CALN1: variants seen among roughly 807,000 people sequenced by gnomAD.
CALN1 encodes the protein calcium-binding protein 8.
In CALN1, 17 loss-of-function variants were observed where a neutral mutation model predicts 30.6. The ratio of observed to expected loss-of-function variants is 0.56; its 90% confidence interval spans 0.38 to 0.83. CALN1 has a LOEUF of 0.83. CALN1 is among the 40% of genes least tolerant of loss of function. The probability of loss-of-function intolerance (pLI) is 0.00; values close to 1 mark genes in which losing one functional copy is unlikely to be tolerated. For synonymous variants in CALN1, 156 were observed against 131.4 expected (o/e 1.19, Z -1.28); for missense variants, 291 against 354.9 (o/e 0.82, Z 1.45).
Position 72,211,700 on chromosome 7 carries a change from T to C in CALN1, c.244+66986A>G, listed in dbSNP as rs75356443. Among the ~76,000 whole-genome samples, 536 of 152,312 alleles carry C rather than the reference T, an allele frequency of 3.5e-3. 26 individuals carry two copies. In the East Asian group the frequency reaches 0.088, roughly 25 times the overall value. Reference sequence around the variant, plus strand: ...TGCATGTGCTTGTTCCTATTGACGGTCCCTGCTGCTAAAATAGGAGTCCTT... The same window carrying C: ...TGCATGTGCTTGTTCCTATTGACGGCCCCTGCTGCTAAAATAGGAGTCCTT... On this transcript the variant is annotated intron_variant, in intron 3 of 6. Coordinates refer to ENST00000395275, the MANE Select transcript of CALN1 (RefSeq NM_031468.4).
At chr7:72,109,417 A>C (rs1025796171) in intron 3 of CALN1, among the ~76,000 whole-genome samples, 14 of 152,102 alleles carry the variant, frequency 9.2e-5, no homozygotes, top group African/African-American at 3.1e-4. Flanking sequence ...TGAAGTGTTT[A>C]AGTGAAGAAC....
intron 2 of CALN1, among the ~76,000 whole-genome samples, chr7:72,387,711 T>G (rs1805321738): frequency 6.6e-6 from 1 of 151,890 alleles, no homozygotes; most frequent in South Asian, 2.1e-4. Context: ...TCATCGAAAA[T>G]AAGAAAAGTC....
intron 4 of CALN1, among the ~76,000 whole-genome samples, chr7:72,045,441 C>T (rs1802404431): frequency 6.6e-6 from 1 of 152,168 alleles, no homozygotes; most frequent in African/African-American, 2.4e-5. Context: ...ACAACCCCAG[C>T]ATATTACATG....
At chr7:71,954,465 CTTAAAA>C (rs1191107698) in intron 5 of CALN1, among the ~76,000 whole-genome samples, 2 of 151,334 alleles carry the variant, frequency 1.3e-5, no homozygotes, top group African/African-American at 4.9e-5. Context: ...ATCTCGAAAA[CTTAAAA>C]TTAAAAAAAA....
chr7:71,809,955 A>C (rs992407368), intron 6 of CALN1, among the ~76,000 whole-genome samples: 22 of 152,066 alleles, frequency 1.4e-4, no homozygotes, highest in Non-Finnish European at 1.3e-4. Flanking sequence ...TCCTTTGCCC[A>C]AGGTCACACA....
intron 5 of CALN1, among the ~76,000 whole-genome samples, chr7:71,914,406 G>C (rs1461745976): frequency 2.0e-5 from 3 of 152,174 alleles, no homozygotes; most frequent in Admixed American, 6.5e-5. Context: ...TGGCTGCATA[G>C]TATTCCATGG....
intron 3 of CALN1, among the ~76,000 whole-genome samples, chr7:72,240,235 C>A (rs1289006333): frequency 6.6e-6 from 1 of 151,284 alleles, no homozygotes. Context: ...TGCTTTGTAG[C>A]CCAAGCTGGA....
At chr7:72,416,714 G>A (rs112711549), upstream of CALN1, among the ~76,000 whole-genome samples, 5 of 139,528 alleles carry the variant, frequency 3.6e-5, no homozygotes, top group South Asian at 2.3e-4. Context: ...CAGCCTGGGC[G>A]GCAAAGTGAG....
chr7:72,142,894 A>G (rs1810059758), intron 3 of CALN1, among the ~76,000 whole-genome samples: 1 of 152,188 alleles, frequency 6.6e-6, no homozygotes, highest in Admixed American at 6.5e-5. Context: ...GCAAACTCCA[A>G]CTGACCTGCA....
intron 2 of CALN1, among the ~76,000 whole-genome samples, chr7:72,384,647 A>G (rs79549941): frequency 6.7e-6 from 1 of 149,506 alleles, no homozygotes; most frequent in African/African-American, 2.5e-5. Context: ...CCGTCTCAAG[A>G]AAAAAAAAAG....
At chr7:72,300,019 T>A (rs1482495422) in intron 2 of CALN1, among the ~76,000 whole-genome samples, 1 of 152,176 alleles carries the variant, frequency 6.6e-6, no homozygotes, top group African/African-American at 2.4e-5. Flanking sequence ...TAGCTGGGAT[T>A]ACAGGCGCAT....
chr7:71,874,660 G>A (rs969750951), intron 5 of CALN1, among the ~76,000 whole-genome samples: 12 of 152,162 alleles, frequency 7.9e-5, no homozygotes, highest in Admixed American at 7.2e-4. Context: ...GTGATTCCCC[G>A]GGGCTAGTTC....
intron 4 of CALN1, among the ~76,000 whole-genome samples, chr7:72,076,661 C>G (rs375134390): frequency 1.6e-5 from 2 of 126,880 alleles, no homozygotes; most frequent in South Asian, 2.8e-4. Flanking sequence ...AAGACATGCC[C>G]TCCTGCTGTC....
At chr7:71,952,009 T>C (rs1464365026) in intron 5 of CALN1, among the ~76,000 whole-genome samples, 2 of 152,068 alleles carry the variant, frequency 1.3e-5, no homozygotes, top group Admixed American at 6.6e-5. Context: ...CAGATGCGGC[T>C]GCTGATGGTG....
intron 2 of CALN1, among the ~76,000 whole-genome samples, chr7:72,395,629 T>C (rs149581554): frequency 1.6e-3 from 243 of 152,264 alleles, no homozygotes; most frequent in African/African-American, 5.7e-3. Context: ...AGGAAGTCAA[T>C]GGATCCCAGG....
rs1221872885 is a variant in CALN1 at position 72,270,780 on chromosome 7, TAAAC to T, written c.244+7902_244+7905del. On this transcript the variant is annotated intron_variant, in intron 3 of 6. Coordinates refer to ENST00000395275, the MANE Select transcript of CALN1 (RefSeq NM_031468.4). The stretch of plus-strand genomic sequence containing the variant: ...ACAGAGCAAGACACTGTCTTAAAAA[TAAAC>T]AAAAAAAGAAGTTATAAGCCAAGGA... Among the ~76,000 whole-genome samples, 11 of 152,084 alleles carry T rather than the reference TAAAC, an allele frequency of 7.2e-5. 1 individual carries two copies. In the South Asian group the frequency reaches 1.2e-3, roughly 17 times the overall value.
intron 2 of CALN1, among the ~76,000 whole-genome samples, chr7:72,350,901 G>A (rs532687225): frequency 2.8e-4 from 42 of 152,340 alleles, no homozygotes; most frequent in Non-Finnish European, 5.4e-4. Context: ...AGCACTTTGG[G>A]AGGCCAAGGT....
chr7:72,466,523 C>A, the CALN1 span, among the ~76,000 whole-genome samples: 1 of 152,116 alleles, frequency 6.6e-6, no homozygotes, highest in Non-Finnish European at 1.5e-5. Context: ...GAGGGCTAAT[C>A]ACCTATGGTC....
At chr7:72,305,279 G>A (rs945434338) in intron 2 of CALN1, among the ~76,000 whole-genome samples, 1 of 152,210 alleles carries the variant, frequency 6.6e-6, no homozygotes, top group African/African-American at 2.4e-5. Context: ...GGATGCCGGC[G>A]CTGGCCTGCC....
Sources: allele counts gnomAD v4.1 joint callset (sites outside exome capture counted in the v4.1 genomes callset), GRCh38; gene constraint gnomAD v4.1.1; transcripts MANE v1.5; gene names NCBI Gene and HGNC (gene_info 2026-07-23, HGNC 2026-07-21).